Variants in NF1 observed in about 807,000 individuals in gnomAD.
The protein encoded by NF1 is neurofibromin.
NF1 carries 122 observed loss-of-function variants against 325.7 expected under a neutral mutation model. That is an observed-to-expected ratio of 0.37 (90% confidence interval 0.32 to 0.44). NF1 has a LOEUF of 0.44. NF1 is among the 20% of genes least tolerant of loss of function. NF1 has a pLI of 1.00. For missense variants in NF1, 2,140 were observed against 3,415.4 expected, an observed-to-expected ratio of 0.63 and a Z score of 9.31; for synonymous variants, 1,091 against 1,186.0, an observed-to-expected ratio of 0.92 and a Z score of 1.65.
intron 30 of NF1, chr17:31,249,837 C>T (rs1193030118): frequency 2.5e-6 from 1 of 400,832 alleles, no homozygotes; most frequent in South Asian, 1.9e-5. Flanking sequence ...GCATATTAGC[C>T]TTTTGGAAAC....
chr17:31,363,722 C>G (rs1985353), intron 57 of NF1, among the ~76,000 whole-genome samples: 2 of 151,322 alleles, frequency 1.3e-5, no homozygotes, highest in African/African-American at 4.9e-5. Context: ...AGGCGTGAGC[C>G]ACTGCGCCCA....
At chr17:31,219,899 C>A (rs1398746223) in intron 14 of NF1, among the ~76,000 whole-genome samples, 3 of 152,030 alleles carry the variant, frequency 2.0e-5, no homozygotes, top group African/African-American at 7.2e-5. Context: ...CTATTTTCTT[C>A]CTTTTTATTG....
chr17:31,257,107 T>G (rs1397383196), intron 31 of NF1, among the ~76,000 whole-genome samples: 3 of 152,162 alleles, frequency 2.0e-5, no homozygotes, highest in African/African-American at 7.2e-5. Context: ...CTGTCATAAT[T>G]TGTGTCATAA....
chr17:31,215,230 C>T (rs2066800021), intron 13 of NF1, among the ~76,000 whole-genome samples: 1 of 152,168 alleles, frequency 6.6e-6, no homozygotes, highest in Admixed American at 6.5e-5. Flanking sequence ...ATCCTCCAGC[C>T]TCGGCCTCCC....
At chr17:31,307,921 A>T in intron 36 of NF1, 2 of 1,289,018 alleles carry the variant, frequency 1.6e-6, no homozygotes, top group South Asian at 1.2e-5. Flanking sequence ...ATCATTGCTT[A>T]CTCCTCTACC....
rs1911550821 is a variant in NF1, at chr17:31,095,317, C to T, written c.8C>T (p.Ala3Val). MA[A>V]HRPVEWVQAV... ...CCCGGCCGCGGGGAGGACATGGCCG[C>T]GCACAGGCCGGTGGAATGGGTCCAG... Residue 3 changes from alanine (A) to valine (V), a missense_variant, in exon 1 of 58, where the codon GCG becomes GTG. Around this residue, in one of 10 missense-constraint regions of NF1, gnomAD observed 246 missense variants for 347.8 expected, o/e 0.71. Transcript: ENST00000358273. 2 of 1,537,832 alleles carry T rather than the reference C, an allele frequency of 1.3e-6. No homozygotes were observed. Among genetic ancestry groups the T allele is most frequent in the Non-Finnish European group, 1.7e-6 (2 of 1,146,052 alleles).
Position 31,377,196 on chromosome 17 carries a change from T to C in NF1, c.*3041T>C, listed in dbSNP as rs2070744056. On this transcript the variant is annotated 3_prime_UTR_variant, in exon 58 of 58. Coordinates refer to ENST00000358273, the MANE Select transcript of NF1 (RefSeq NM_001042492.3). Reference sequence around the variant, plus strand: ...ACACAATTTTTTTTAATGCAGTATATTCACCTGTAAATAGTTTGTGTAAAA... The same window carrying C: ...ACACAATTTTTTTTAATGCAGTATACTCACCTGTAAATAGTTTGTGTAAAA... 1 of 233,544 alleles carries C rather than the reference T, an allele frequency of 4.3e-6. No homozygotes were observed. The highest frequency in any genetic ancestry group is 5.6e-5 in the Admixed American group (1 of 17,778). The allele number at this position is 233,544 out of a possible 1,614,324, so 14.5% of individuals were successfully genotyped here. A position where few individuals can be genotyped will look rare whatever the true frequency, so the allele number is the denominator to read the frequency against.
At chr17:31,316,095 C>A (rs540831677) in intron 36 of NF1, among the ~76,000 whole-genome samples, 1 of 152,030 alleles carries the variant, frequency 6.6e-6, no homozygotes, top group African/African-American at 2.4e-5. Context: ...AGATGAGGCT[C>A]TTACTTTGTT....
intron 3 of NF1, among the ~76,000 whole-genome samples, chr17:31,160,617 C>A (rs1424018078): frequency 6.6e-6 from 1 of 152,136 alleles, no homozygotes; most frequent in Non-Finnish European, 1.5e-5. Flanking sequence ...TTAAACTTTT[C>A]TTGAATCAGT....
chr17:31,143,686 AAATTT>A (rs1916388793), intron 1 of NF1, among the ~76,000 whole-genome samples: 1 of 152,168 alleles, frequency 6.6e-6, no homozygotes, highest in African/African-American at 2.4e-5. Context: ...TTATTATATT[AAATTT>A]GTGTGTGAAT....
At chr17:31,181,579 G>A (rs569552063) in intron 6 of NF1, 90 bp downstream of exon 6, 3 of 1,363,790 alleles carry the variant, frequency 2.2e-6, no homozygotes, top group Non-Finnish European at 3.1e-6. Flanking sequence ...TATGACTTGA[G>A]TGATAGTTTC....
chr17:31,167,957 A>G (rs539700020), intron 4 of NF1, among the ~76,000 whole-genome samples: 1 of 152,314 alleles, frequency 6.6e-6, no homozygotes, highest in African/African-American at 2.4e-5. Context: ...GAAAAGTGCA[A>G]TGAAAAAAGG....
intron 36 of NF1, among the ~76,000 whole-genome samples, chr17:31,322,094 T>TAC (rs71142046): frequency 0.26 from 38,053 of 147,136 alleles, 5,173 homozygotes; most frequent in East Asian, 0.45. Flanking sequence ...AGTGTGTGTA[T>TAC]ACACACACAC....
intron 5 of NF1, among the ~76,000 whole-genome samples, chr17:31,176,976 G>A (rs1055008840): frequency 2.6e-5 from 4 of 152,072 alleles, no homozygotes; most frequent in East Asian, 1.9e-4. Context: ...TAGGATTGTC[G>A]TGGTTATGCG....
chr17:31,330,629 A>G, intron 39 of NF1, 131 bp downstream of exon 39: 8 of 721,670 alleles, frequency 1.1e-5, no homozygotes, highest in Admixed American at 2.7e-5. Context: ...CTGATTTTAT[A>G]TCTGTGGTAT....
intron 47 of NF1, among the ~76,000 whole-genome samples, chr17:31,342,738 C>T (rs1272861281): frequency 6.6e-6 from 1 of 152,102 alleles, no homozygotes; most frequent in African/African-American, 2.4e-5. Context: ...TAAAAGTCAC[C>T]GGGATGTAAA....
chr17:31,244,298 G>A (rs1380368179), intron 29 of NF1, among the ~76,000 whole-genome samples: 1 of 152,156 alleles, frequency 6.6e-6, no homozygotes, highest in Non-Finnish European at 1.5e-5. Flanking sequence ...GAGGGGTGAT[G>A]TAAGCATTCC....
At chr17:31,143,308 C>T (rs1443033847) in intron 1 of NF1, among the ~76,000 whole-genome samples, 1 of 152,038 alleles carries the variant, frequency 6.6e-6, no homozygotes, top group Non-Finnish European at 1.5e-5. Context: ...GTTCTATCAC[C>T]CAAGCTGGAG....
At chr17:31,247,332 G>T (rs938941508) in intron 29 of NF1, among the ~76,000 whole-genome samples, 1 of 152,042 alleles carries the variant, frequency 6.6e-6, no homozygotes, top group Non-Finnish European at 1.5e-5. Context: ...CACATGATAA[G>T]ACATAAGAGT....
Sources: allele counts gnomAD v4.1 joint callset (sites outside exome capture counted in the v4.1 genomes callset), GRCh38; gene constraint gnomAD v4.1.1; regional missense constraint gnomAD v4.1.1; transcripts MANE v1.5; gene names NCBI Gene and HGNC (gene_info 2026-07-23, HGNC 2026-07-21).